The following CNTLN variants were observed in gnomAD, a reference collection of about 807,000 sequenced individuals.
The protein encoded by CNTLN is centlein, centrosomal protein.
In CNTLN, 212 loss-of-function variants were observed where a neutral mutation model predicts 180.0. That is an observed-to-expected ratio of 1.18 (90% CI 1.05 to 1.32). The LOEUF (loss-of-function observed/expected upper bound fraction) is 1.32. CNTLN is among the 40% of genes most tolerant of loss of function. The pLI, the probability that CNTLN is intolerant of heterozygous loss-of-function variation, is 0.00. For missense variants in CNTLN, 2,095 were observed against 1,610.9 expected (o/e 1.30, Z -5.14); for synonymous variants, 722 against 563.1 (o/e 1.28, Z -3.99).
At chr9:17,489,907 C>A (rs1390807308) in intron 25 of CNTLN, among the ~76,000 whole-genome samples, 1 of 152,134 alleles carries the variant, frequency 6.6e-6, no homozygotes, top group Non-Finnish European at 1.5e-5. Flanking sequence ...TTTCATCTTT[C>A]TATGGCATAG....
chr9:17,283,714 TATG>T (rs1828803677), intron 6 of CNTLN, among the ~76,000 whole-genome samples: 1 of 152,190 alleles, frequency 6.6e-6, no homozygotes, highest in Non-Finnish European at 1.5e-5. Context: ...GCCCATTCAG[TATG>T]ATATTGGCTG....
At chr9:17,523,272 T>C in the CNTLN span, among the ~76,000 whole-genome samples, 8 of 152,212 alleles carry the variant, frequency 5.3e-5, no homozygotes, top group African/African-American at 1.4e-4. Context: ...AGCCTCACTC[T>C]GTGGCCCAGG....
intron 12 of CNTLN, among the ~76,000 whole-genome samples, chr9:17,363,565 A>G (rs1823577295): frequency 6.6e-6 from 1 of 151,306 alleles, no homozygotes; most frequent in African/African-American, 2.4e-5. Context: ...TATTCTTTAA[A>G]TAATTATTCT....
At chr9:17,212,541 C>T (rs563139975) in intron 2 of CNTLN, among the ~76,000 whole-genome samples, 1 of 152,214 alleles carries the variant, frequency 6.6e-6, no homozygotes, top group South Asian at 2.1e-4. Context: ...CTCTGCCCGG[C>T]TTTGGTATCA....
At chr9:17,321,654 T>G (rs897523052) in intron 8 of CNTLN, among the ~76,000 whole-genome samples, 1 of 152,200 alleles carries the variant, frequency 6.6e-6, no homozygotes, top group African/African-American at 2.4e-5. Flanking sequence ...TATTTGGCAT[T>G]AACTAAAGTA....
intron 5 of CNTLN, among the ~76,000 whole-genome samples, chr9:17,249,008 G>A (rs964508397): frequency 6.6e-6 from 1 of 151,590 alleles, no homozygotes; most frequent in African/African-American, 2.4e-5. Flanking sequence ...ATTCTTTTAA[G>A]GAAATAAACT....
At chr9:17,266,135 TG>T (rs1342631066) in intron 5 of CNTLN, among the ~76,000 whole-genome samples, 1 of 114,056 alleles carries the variant, frequency 8.8e-6, no homozygotes, top group African/African-American at 4.0e-5. Context: ...GAAGTTAGGG[TG>T]TCAGTTTTGG....
At chr9:17,160,266 A>G (rs983620689) in intron 2 of CNTLN, among the ~76,000 whole-genome samples, 10 of 152,074 alleles carry the variant, frequency 6.6e-5, no homozygotes, top group African/African-American at 2.4e-4. Flanking sequence ...ATCGTTTTCT[A>G]TGGGATTTTT....
chr9:17,513,922 T>C, the CNTLN span, among the ~76,000 whole-genome samples: 64 of 152,272 alleles, frequency 4.2e-4, no homozygotes, highest in East Asian at 0.011. Context: ...CAAAAGGCAT[T>C]TTAAAAATTG....
intron 5 of CNTLN, among the ~76,000 whole-genome samples, chr9:17,269,183 T>A (rs1274777581): frequency 1.3e-5 from 2 of 152,080 alleles, no homozygotes; most frequent in Non-Finnish European, 1.5e-5. Flanking sequence ...GTTGGCTCCA[T>A]CTGTATCAAT....
At chr9:17,233,742 T>A (rs1258803598) in intron 3 of CNTLN, among the ~76,000 whole-genome samples, 1 of 152,142 alleles carries the variant, frequency 6.6e-6, no homozygotes, top group East Asian at 1.9e-4. Flanking sequence ...CATTCATTAT[T>A]ATGAATAAAT....
chr9:17,516,484 A>T, the CNTLN span, among the ~76,000 whole-genome samples: 2 of 152,222 alleles, frequency 1.3e-5, no homozygotes, highest in East Asian at 3.8e-4. Context: ...ATAACTTTAT[A>T]CCCTTAGGTT....
At chr9:17,154,819 A>T (rs1328602140) in intron 2 of CNTLN, among the ~76,000 whole-genome samples, 6 of 152,180 alleles carry the variant, frequency 3.9e-5, no homozygotes, top group Admixed American at 3.9e-4. Flanking sequence ...GGGGCCAAAT[A>T]AGGGAATAAA....
intron 16 of CNTLN, among the ~76,000 whole-genome samples, chr9:17,411,883 T>C (rs905474505): frequency 1.3e-5 from 2 of 152,132 alleles, no homozygotes; most frequent in Admixed American, 1.3e-4. Flanking sequence ...CCTTTCCATG[T>C]CATTGGAGAT....
At chr9:17,160,093 C>G (rs1819574651) in intron 2 of CNTLN, among the ~76,000 whole-genome samples, 1 of 152,136 alleles carries the variant, frequency 6.6e-6, no homozygotes, top group African/African-American at 2.4e-5. Context: ...TACACTTCCA[C>G]CAGAAAATAT....
chr9:17,270,993 CAGGCT>C (rs1827901235), intron 5 of CNTLN, among the ~76,000 whole-genome samples: 1 of 143,264 alleles, frequency 7.0e-6, no homozygotes, highest in Non-Finnish European at 1.5e-5. Context: ...CTCTGTCGCC[CAGGCT>C]GGAGTGCAGT....
rs76264084 is a variant in CNTLN, at chr9:17,296,494, A to G, written c.984-1696A>G. 1.6e-4 allele frequency among the ~76,000 whole-genome samples: 25 copies of G among 152,284 alleles called. No individual in the cohort carries two copies. In the East Asian group the frequency reaches 4.4e-3, roughly 27 times the overall value. On this transcript the variant is annotated intron_variant, in intron 6 of 25. Coordinates refer to ENST00000380647, the MANE Select transcript of CNTLN (RefSeq NM_017738.4). Reference sequence around the variant, plus strand: ...TTGAAAGATGATATGTTTTATCTTCATCATGTCTCTTTTCTAAATGTGACA... The same window carrying G: ...TTGAAAGATGATATGTTTTATCTTCGTCATGTCTCTTTTCTAAATGTGACA...
chr9:17,335,693 T>C (rs1208580763), intron 10 of CNTLN, among the ~76,000 whole-genome samples: 1 of 152,034 alleles, frequency 6.6e-6, no homozygotes, highest in Non-Finnish European at 1.5e-5. Context: ...ATTGTAGCAC[T>C]TTGGGAGGCT....
chr9:17,412,161 C>G (rs2133860894), intron 16 of CNTLN, among the ~76,000 whole-genome samples: 1 of 152,226 alleles, frequency 6.6e-6, no homozygotes, highest in East Asian at 1.9e-4. Context: ...TAAGGTGGCC[C>G]TCTCCAACCA....
Sources: allele counts gnomAD v4.1 joint callset (sites outside exome capture counted in the v4.1 genomes callset), GRCh38; gene constraint gnomAD v4.1.1; transcripts MANE v1.5; gene names NCBI Gene and HGNC (gene_info 2026-07-23, HGNC 2026-07-21).